CNTNAP3: variants seen among roughly 807,000 people sequenced by gnomAD.
The protein encoded by CNTNAP3 is contactin associated protein family member 3, also known as contactin-associated protein-like 3.
CNTNAP3 carries 36 observed loss-of-function variants against 92.1 expected under a neutral mutation model. The observed-to-expected ratio is 0.39, with a 90% CI of 0.30 to 0.52. The LOEUF (loss-of-function observed/expected upper bound fraction) is 0.52, where lower values mean the gene tolerates loss of function less well. CNTNAP3 is among the 20% of genes least tolerant of loss of function. The probability of loss-of-function intolerance (pLI) is 0.76; values close to 1 mark genes in which losing one functional copy is unlikely to be tolerated. For missense variants in CNTNAP3, 534 were observed against 1,069.6 expected (o/e 0.50, Z 6.98); for synonymous variants, 232 against 422.3 (o/e 0.55, Z 5.53).
intron 12 of CNTNAP3, among the ~76,000 whole-genome samples, chr9:39,133,364 G>A (rs964155668): frequency 1.1e-4 from 17 of 152,134 alleles, no homozygotes; most frequent in Admixed American, 9.2e-4. Context: ...GTGACGTCAC[G>A]CCTAAAAGTG....
chr9:39,091,214 G>T (rs1826192330), intron 18 of CNTNAP3, among the ~76,000 whole-genome samples: 1 of 146,694 alleles, frequency 6.8e-6, no homozygotes, highest in Non-Finnish European at 1.5e-5. Flanking sequence ...AGTCTGGCCT[G>T]AACCTCTAGT....
chr9:39,099,020 G>A (rs1037969587), intron 18 of CNTNAP3, among the ~76,000 whole-genome samples: 2 of 151,220 alleles, frequency 1.3e-5, no homozygotes, highest in African/African-American at 4.9e-5. Context: ...TGCCGCCCAG[G>A]AGTGAGTGCA....
At chr9:39,078,588 A>C in intron 22 of CNTNAP3, 102 bp downstream of exon 22, 1 of 1,546,472 alleles carries the variant, frequency 6.5e-7, no homozygotes, top group Non-Finnish European at 8.7e-7. Context: ...AAAAAGGAAA[A>C]AAAGAAGGAT....
At chr9:39,117,488 T>C (rs1820887977) in intron 14 of CNTNAP3, among the ~76,000 whole-genome samples, 1 of 152,182 alleles carries the variant, frequency 6.6e-6, no homozygotes, top group Admixed American at 6.5e-5. Flanking sequence ...GAGAAAATTG[T>C]TTCTGCTCAA....
At chr9:39,134,752 G>A (rs543423203) in intron 12 of CNTNAP3, among the ~76,000 whole-genome samples, 1 of 152,196 alleles carries the variant, frequency 6.6e-6, no homozygotes, top group East Asian at 1.9e-4. Context: ...TTACAACCTG[G>A]TGTTACTCTG....
chr9:39,123,464 G>C (rs1005075091), intron 13 of CNTNAP3, among the ~76,000 whole-genome samples: 1 of 151,998 alleles, frequency 6.6e-6, no homozygotes, highest in African/African-American at 2.4e-5. Context: ...AGAAGGAAGA[G>C]AGTGAGAACC....
At chr9:39,108,826 G>A (rs1266498838) in intron 15 of CNTNAP3, among the ~76,000 whole-genome samples, 2 of 152,190 alleles carry the variant, frequency 1.3e-5, no homozygotes, top group Admixed American at 1.3e-4. Context: ...TGTCTGAAGA[G>A]TATAAGGGCA....
intron 18 of CNTNAP3, among the ~76,000 whole-genome samples, chr9:39,092,338 GT>G (rs1587702887): frequency 7.0e-6 from 1 of 141,940 alleles, no homozygotes; most frequent in Admixed American, 6.9e-5. Flanking sequence ...GGCAGGTCAG[GT>G]TTTTTATTTG....
rs1174415979 is a variant in CNTNAP3 at position 39,116,759 on chromosome 9, T to C, written c.2237+1344A>G. ...TAAAAATAATATCCATGTAAATGTA[T>C]AGTATGTATTCTATAGAAAGCTCCA... On this transcript the variant is annotated intron_variant, in intron 14 of 23. Coordinates refer to ENST00000297668, the MANE Select transcript of CNTNAP3 (RefSeq NM_033655.5). Among the ~76,000 whole-genome samples, 5 of 152,248 alleles carry C rather than the reference T, an allele frequency of 3.3e-5. 1 individual carries two copies. Among genetic ancestry groups the C allele is most frequent in the African/African-American group, 1.2e-4 (5 of 41,552 alleles).
At chr9:39,099,419 AT>A (rs1826401070) in intron 18 of CNTNAP3, among the ~76,000 whole-genome samples, 1 of 152,210 alleles carries the variant, frequency 6.6e-6, no homozygotes, top group Non-Finnish European at 1.5e-5. Flanking sequence ...TGCTTGTTTT[AT>A]AAGAAAAGAC....
At position 39,067,894 on chromosome 9, in the gene CNTNAP3, A is replaced by G. The variant is rs1171970223; in HGVS notation, c.*5996T>C. ...GAATATTCTACCTAATGCCCTATTA[A>G]TTATGGGGATTTCTGGTATAGCCCA... On this transcript the variant is annotated 3_prime_UTR_variant, in exon 24 of 24. Transcript: ENST00000297668. Among the ~76,000 whole-genome samples, 2 of 67,806 alleles carry G rather than the reference A, an allele frequency of 2.9e-5. No individual in the cohort carries two copies. The highest frequency in any genetic ancestry group is 4.5e-5 in the African/African-American group (1 of 22,176). 44.5% of individuals were successfully genotyped at this position (67,806 alleles called of 152,430 possible).
At chr9:39,125,413 T>C (rs1821132492) in intron 13 of CNTNAP3, among the ~76,000 whole-genome samples, 1 of 151,978 alleles carries the variant, frequency 6.6e-6, no homozygotes. Context: ...ATGTAAATGA[T>C]GAGTTAATGG....
chr9:39,123,091 ATTT>A (rs773238134), intron 13 of CNTNAP3, among the ~76,000 whole-genome samples: 2 of 129,808 alleles, frequency 1.5e-5, no homozygotes, highest in African/African-American at 3.1e-5. Context: ...TTGGACAATA[ATTT>A]TTTTTTTTTT....
Position 39,066,229 on chromosome 9 carries a change from C to G in CNTNAP3, c.*7661G>C, listed in dbSNP as rs941282702. 6.6e-6 allele frequency among the ~76,000 whole-genome samples: 1 copy of G among 152,226 alleles called. No homozygotes were observed. Among genetic ancestry groups the G allele is most frequent in the African/African-American group, 2.4e-5 (1 of 41,458 alleles). Reference sequence around the variant, plus strand: ...TAGCCAACTTTTAATAGGCATTATACGACTTTACACACAGTCTAAGAACCT... The same window carrying G: ...TAGCCAACTTTTAATAGGCATTATAGGACTTTACACACAGTCTAAGAACCT... On this transcript the variant is annotated 3_prime_UTR_variant, in exon 24 of 24. Transcript: ENST00000297668.
At chr9:39,077,266 T>C (rs1403475566) in intron 23 of CNTNAP3, among the ~76,000 whole-genome samples, 2 of 152,120 alleles carry the variant, frequency 1.3e-5, no homozygotes, top group Admixed American at 6.6e-5. Flanking sequence ...TTTTAAATAA[T>C]GTGTGCCTTT....
chr9:39,121,007 TTTAAG>T (rs1489247354), intron 13 of CNTNAP3, among the ~76,000 whole-genome samples: 1 of 152,084 alleles, frequency 6.6e-6, no homozygotes, highest in Non-Finnish European at 1.5e-5. Flanking sequence ...AGTGAAGATA[TTTAAG>T]TTGACTGTGG....
chr9:39,116,432 G>T (rs542171434), intron 14 of CNTNAP3, among the ~76,000 whole-genome samples: 1 of 152,006 alleles, frequency 6.6e-6, no homozygotes, highest in African/African-American at 2.4e-5. Flanking sequence ...GTCGCTGTTT[G>T]TCTCATTAGA....
rs767087312 is a variant in CNTNAP3, at chr9:39,109,188, T to G, written c.2337A>C (p.Thr779=). The G allele has an allele frequency of 5.0e-6, 8 of 1,613,028 alleles. No individual in the cohort carries two copies. The highest frequency in any genetic ancestry group is 1.7e-5 in the Admixed American group (1 of 60,004). ...AGRPHSEAAY[T]LGPLLCRGDQ... ...CTCCGCGGCAGAGCAGTGGCCCCAG[T>G]GTATAAGCTGCTTCGGAATGTGGTC... Residue 779 remains threonine (T), a synonymous_variant, in exon 15 of 24, where the codon ACA becomes ACC. Transcript: ENST00000297668.
intron 13 of CNTNAP3, among the ~76,000 whole-genome samples, chr9:39,122,224 G>A (rs1442701408): frequency 6.6e-6 from 1 of 151,854 alleles, no homozygotes; most frequent in Non-Finnish European, 1.5e-5. Context: ...GCGTGGTGGC[G>A]GGCGCCTGTA....
Sources: allele counts gnomAD v4.1 joint callset (sites outside exome capture counted in the v4.1 genomes callset), GRCh38; gene constraint gnomAD v4.1.1; transcripts MANE v1.5; gene names NCBI Gene and HGNC (gene_info 2026-07-23, HGNC 2026-07-21).